The following PRDM16 variants were observed in gnomAD, a reference collection of about 807,000 sequenced individuals.
PRDM16 encodes the protein histone-lysine N-methyltransferase PRDM16.
In PRDM16, 23 loss-of-function variants were observed where a neutral mutation model predicts 110.6. The observed-to-expected ratio is 0.21, with a 90% CI of 0.15 to 0.29. The LOEUF (loss-of-function observed/expected upper bound fraction) is 0.29. Ranked by LOEUF, PRDM16 falls within the 10% of genes least tolerant of loss-of-function variation. The pLI is 1.00. For synonymous variants in PRDM16, 799 were observed against 781.8 expected, an observed-to-expected ratio of 1.02 and a Z score of -0.37; for missense variants, 1,615 against 1,794.3, an observed-to-expected ratio of 0.90 and a Z score of 1.81.
At chr1:3,225,724 C>T (rs1478318833) in intron 2 of PRDM16, among the ~76,000 whole-genome samples, 2 of 152,172 alleles carry the variant, frequency 1.3e-5, no homozygotes, top group East Asian at 1.9e-4. Flanking sequence ...GCTCTAAAAC[C>T]GGCACTGGAA....
At chr1:3,070,573 G>C (rs1175712825) in intron 1 of PRDM16, among the ~76,000 whole-genome samples, 1 of 120,920 alleles carries the variant, frequency 8.3e-6, no homozygotes. Context: ...CGCCCGGGCC[G>C]CTCCCCTCGA....
intron 8 of PRDM16, among the ~76,000 whole-genome samples, chr1:3,409,919 G>A (rs1383570029): frequency 7.7e-6 from 1 of 130,024 alleles, no homozygotes; most frequent in Non-Finnish European, 1.6e-5. Context: ...GGTGTGGTGT[G>A]TGTGTATGTG....
chr1:3,114,614 A>T (rs1642911994), intron 1 of PRDM16, among the ~76,000 whole-genome samples: 1 of 147,700 alleles, frequency 6.8e-6, no homozygotes, highest in African/African-American at 2.5e-5. Flanking sequence ...ACACACGTGC[A>T]TACACACATG....
At chr1:3,091,954 C>T (rs1425201622) in intron 1 of PRDM16, among the ~76,000 whole-genome samples, 1 of 152,188 alleles carries the variant, frequency 6.6e-6, no homozygotes, top group African/African-American at 2.4e-5. Context: ...TCAATGGGAC[C>T]GTGAGGACTG....
chr1:3,254,299 G>A (rs1640001319), intron 3 of PRDM16, among the ~76,000 whole-genome samples: 1 of 152,174 alleles, frequency 6.6e-6, no homozygotes, highest in South Asian at 2.1e-4. Flanking sequence ...AGTGTTGGAA[G>A]TTCTGGCCAG....
intron 3 of PRDM16, among the ~76,000 whole-genome samples, chr1:3,315,201 C>T (rs1641573614): frequency 1.3e-5 from 2 of 151,566 alleles, no homozygotes; most frequent in Non-Finnish European, 2.9e-5. Context: ...CTCCCTCTCC[C>T]TCTCCCTACA....
Position 3,306,560 on chromosome 1 carries a change from G to C in PRDM16, c.438+62423G>C, listed in dbSNP as rs370678479. ...GTCCCTCAAAATCTACTACCTCGTA[G>C]CTTCTCCTGCAGACAGATTTGGGCC... On this transcript the variant is annotated intron_variant, in intron 3 of 16. Coordinates refer to ENST00000270722, the MANE Select transcript of PRDM16 (RefSeq NM_022114.4). The C allele has an allele frequency of 8.5e-5, 13 of 152,298 alleles. No individual in the cohort carries two copies. The East Asian group carries it at 1.9e-3, about 23-fold the overall frequency. The allele number at this position is 152,298 out of a possible 1,614,324, so 9.4% of individuals were successfully genotyped here.
At chr1:3,422,347 A>T (rs1027040947) in intron 12 of PRDM16, among the ~76,000 whole-genome samples, 1 of 150,462 alleles carries the variant, frequency 6.6e-6, no homozygotes, top group South Asian at 2.1e-4. Context: ...AGGCAGATAG[A>T]CAGACTGGCA....
At chr1:3,235,113 C>A (rs576310046) in intron 2 of PRDM16, among the ~76,000 whole-genome samples, 1 of 152,350 alleles carries the variant, frequency 6.6e-6, no homozygotes, top group South Asian at 2.1e-4. Context: ...CCAGCCAGAG[C>A]CCCCTACCGA....
intron 3 of PRDM16, chr1:3,306,895 C>T (rs574214942): frequency 1.3e-5 from 2 of 152,352 alleles, no homozygotes; most frequent in East Asian, 1.9e-4. Flanking sequence ...GTGGATTTGC[C>T]TAGTCTGGAA....
At chr1:3,300,810 C>T (rs1208424871) in intron 3 of PRDM16, among the ~76,000 whole-genome samples, 3 of 152,198 alleles carry the variant, frequency 2.0e-5, no homozygotes, top group Admixed American at 6.5e-5. Context: ...GCTGAGCAAC[C>T]GTGTATGGAA....
intron 1 of PRDM16, among the ~76,000 whole-genome samples, chr1:3,101,110 C>T (rs1203543797): frequency 3.9e-5 from 6 of 152,130 alleles, no homozygotes; most frequent in Non-Finnish European, 5.9e-5. Flanking sequence ...ACCAGGATGC[C>T]GTGGGAAGCC....
At chr1:3,104,346 G>C (rs1454032247) in intron 1 of PRDM16, among the ~76,000 whole-genome samples, 27 of 152,194 alleles carry the variant, frequency 1.8e-4, no homozygotes, top group Non-Finnish European at 4.4e-5. Context: ...GGGTTGGAAG[G>C]TGCTGGTGGG....
At chr1:3,287,205 C>T (rs999820131) in intron 3 of PRDM16, among the ~76,000 whole-genome samples, 6 of 152,286 alleles carry the variant, frequency 3.9e-5, no homozygotes, top group South Asian at 2.1e-4. Flanking sequence ...CCCTGAGCGC[C>T]GTAGGAGAGC....
chr1:3,192,799 G>C (rs1368126681), intron 2 of PRDM16, among the ~76,000 whole-genome samples: 1 of 152,172 alleles, frequency 6.6e-6, no homozygotes, highest in Non-Finnish European at 1.5e-5. Context: ...TCAACCCAGA[G>C]ACAGACACAC....
intron 1 of PRDM16, among the ~76,000 whole-genome samples, chr1:3,089,276 A>C (rs1026518189): frequency 6.6e-6 from 1 of 152,222 alleles, no homozygotes; most frequent in African/African-American, 2.4e-5. Context: ...GCTCCCGCAC[A>C]ATAGGGACTG....
intron 1 of PRDM16, among the ~76,000 whole-genome samples, chr1:3,101,070 A>G (rs539430831): frequency 2.0e-5 from 3 of 152,222 alleles, no homozygotes; most frequent in African/African-American, 2.4e-5. Context: ...GCTGGGCCCC[A>G]GGTATGTCCC....
At chr1:3,177,374 G>A (rs558119667) in intron 1 of PRDM16, among the ~76,000 whole-genome samples, 10 of 152,316 alleles carry the variant, frequency 6.6e-5, no homozygotes, top group African/African-American at 2.2e-4. Context: ...GGGAGAACAC[G>A]GGGTCGTTAG....
chr1:3,181,173 G>A (rs1644162706), intron 1 of PRDM16, among the ~76,000 whole-genome samples: 1 of 129,490 alleles, frequency 7.7e-6, no homozygotes, highest in South Asian at 2.6e-4. Context: ...CGGTCTTACG[G>A]TCTTACACAC....
Sources: gnomAD v4.1 joint callset for allele counts (sites outside exome capture counted in the v4.1 genomes callset) on GRCh38, gnomAD v4.1.1 for gene constraint, MANE v1.5 for transcripts, NCBI Gene and HGNC (gene_info 2026-07-23, HGNC 2026-07-21) for gene names.